The following VPS36 variants were observed in gnomAD, a reference collection of about 807,000 sequenced individuals.
VPS36 encodes vacuolar protein sorting 36 homolog, also known as vacuolar protein-sorting-associated protein 36.
A neutral mutation model predicts 63.5 loss-of-function variants in VPS36; 31 were observed. The ratio of observed to expected loss-of-function variants is 0.49; its 90% confidence interval spans 0.37 to 0.66. VPS36 has a LOEUF of 0.66. VPS36 is among the 30% of genes least tolerant of loss of function. The pLI is 0.00. For missense variants in VPS36, 338 were observed against 463.7 expected (o/e 0.73, Z 2.49); for synonymous variants, 138 against 157.2 (o/e 0.88, Z 0.91).
chr13:52,417,872 T>C, intron 11 of VPS36, 120 bp downstream of exon 11: 1 of 758,162 alleles, frequency 1.3e-6, no homozygotes. Flanking sequence ...TGAAATAATA[T>C]AATTTCAAGA....
chr13:52,448,927 G>C (rs1566092493), intron 1 of VPS36, among the ~76,000 whole-genome samples: 1 of 152,168 alleles, frequency 6.6e-6, no homozygotes, highest in Non-Finnish European at 1.5e-5. Flanking sequence ...AGGAAGGGGA[G>C]GTGGATTAAC....
chr13:52,441,738 C>T (rs543156942), intron 2 of VPS36, among the ~76,000 whole-genome samples: 61 of 151,560 alleles, frequency 4.0e-4, no homozygotes, highest in Non-Finnish European at 6.8e-4. Flanking sequence ...GGCGAAAGAG[C>T]GAGACTCCAT....
chr13:52,422,908 G>T (rs1205256962), intron 10 of VPS36, among the ~76,000 whole-genome samples: 1 of 152,146 alleles, frequency 6.6e-6, no homozygotes, highest in Non-Finnish European at 1.5e-5. Flanking sequence ...ATTTTCGAGG[G>T]ACCTGGTGGG....
chr13:52,416,223 A>G, intron 12 of VPS36, 130 bp from the exon 13 acceptor site: 5 of 888,530 alleles, frequency 5.6e-6, no homozygotes, highest in Non-Finnish European at 8.5e-6. Flanking sequence ...ATGTCCTACT[A>G]AAATCCAAAG....
intron 6 of VPS36, among the ~76,000 whole-genome samples, chr13:52,432,224 G>C (rs372976423): frequency 6.6e-6 from 1 of 152,020 alleles, no homozygotes; most frequent in Non-Finnish European, 1.5e-5. Flanking sequence ...GGTGGCGGGC[G>C]CCTATAGGCC....
Position 52,434,812 on chromosome 13 carries a change from T to G in VPS36, c.422A>C (p.Gln141Pro). Residue 141 changes from glutamine to proline, a missense_variant, in exon 5 of 14, where the codon CAA becomes CCA. By Grantham distance (76) the Gln-to-Pro change is moderately conservative (BLOSUM62 -1). Coordinates refer to ENST00000378060, the MANE Select transcript of VPS36 (RefSeq NM_016075.4). ...AAATACCTGGGGTCCTCTATTTGTT[T>G]GTAATGACTGGGAAACTGGCATATT... ...WENMPVSQSL[Q>P]TNRGPQPGRI... 1 of 1,613,992 alleles carries G rather than the reference T, an allele frequency of 6.2e-7. No homozygotes were observed. Among genetic ancestry groups the G allele is most frequent in the Non-Finnish European group, 8.5e-7 (1 of 1,179,962 alleles).
intron 1 of VPS36, among the ~76,000 whole-genome samples, chr13:52,445,272 A>G (rs923170208): frequency 5.3e-5 from 8 of 152,236 alleles, no homozygotes; most frequent in African/African-American, 1.9e-4. Context: ...TAAGTTTACA[A>G]TATTTTTTAA....
intron 1 of VPS36, among the ~76,000 whole-genome samples, chr13:52,447,024 C>T (rs186074961): frequency 8.6e-5 from 13 of 151,836 alleles, no homozygotes; most frequent in Middle Eastern, 3.4e-3. Flanking sequence ...TACAGGCACC[C>T]GCCACCACGC....
intron 6 of VPS36, among the ~76,000 whole-genome samples, chr13:52,428,239 C>T (rs1958123266): frequency 6.6e-6 from 1 of 152,070 alleles, no homozygotes; most frequent in Non-Finnish European, 1.5e-5. Context: ...TTTCAAGTTA[C>T]TGAAAATATA....
intron 9 of VPS36, 126 bp from the exon 10 acceptor site, chr13:52,423,765 CTTTA>C: frequency 1.3e-6 from 1 of 785,022 alleles, no homozygotes; most frequent in South Asian, 1.9e-5. Flanking sequence ...TTATAAAAAA[CTTTA>C]TTTATACAAA....
intron 12 of VPS36, among the ~76,000 whole-genome samples, chr13:52,416,488 G>C (rs980243071): frequency 2.0e-5 from 3 of 152,186 alleles, no homozygotes; most frequent in African/African-American, 7.2e-5. Context: ...AATATCTGTA[G>C]TCTTGGGGTT....
intron 1 of VPS36, chr13:52,449,972 C>A (rs1958384518): frequency 1.0e-6 from 1 of 985,720 alleles, no homozygotes; most frequent in African/African-American, 1.7e-5. Context: ...CACCCCTCTG[C>A]CCAGATATGC....
intron 2 of VPS36, 112 bp from the exon 3 acceptor site, chr13:52,439,280 A>G: frequency 1.3e-6 from 1 of 789,724 alleles, no homozygotes; most frequent in Non-Finnish European, 1.9e-6. Context: ...AATAAAAATA[A>G]TGAAAAACAA....
intron 9 of VPS36, 115 bp downstream of exon 9, chr13:52,425,817 C>T: frequency 1.9e-6 from 2 of 1,060,040 alleles, no homozygotes; most frequent in Non-Finnish European, 2.5e-6. Context: ...AAAAAAAAAA[C>T]ATGTCAGTTG....
chr13:52,423,751 A>C, intron 9 of VPS36, 112 bp from the exon 10 acceptor site: 3 of 953,690 alleles, frequency 3.1e-6, no homozygotes, highest in Non-Finnish European at 4.6e-6. Flanking sequence ...AATTTTTAAG[A>C]AGCTTATAAA....
chr13:52,438,993 C>G, intron 3 of VPS36, 105 bp downstream of exon 3: 1 of 975,668 alleles, frequency 1.0e-6, no homozygotes, highest in Non-Finnish European at 1.5e-6. Flanking sequence ...TTTATTCATG[C>G]TTTAAGAATG....
Position 52,433,732 on chromosome 13 carries a change from GC to G in VPS36, c.457del (p.Ala153LeufsTer2). 1 of 1,601,182 alleles carries G rather than the reference GC, an allele frequency of 6.2e-7. No homozygotes were observed. The highest frequency in any genetic ancestry group is 8.5e-7 in the Non-Finnish European group (1 of 1,176,316). On this transcript the variant is annotated frameshift_variant, in exon 6 of 14. Coordinates refer to ENST00000378060, the MANE Select transcript of VPS36 (RefSeq NM_016075.4). LOFTEE classifies it high-confidence loss of function. ...CCTTTCAATACCTACAATTCCTACA[GC>G]CCTTATTCTTCCTGGCTGAAAAAAA... ...NRGPQPGRIR[A>X]VGIVGIERKL...
At position 52,434,811 on chromosome 13, in the gene VPS36, T is replaced by C; in HGVS notation, c.423A>G (p.Gln141=). Residue 141 remains glutamine (Q), a synonymous_variant, in exon 5 of 14, where the codon CAA becomes CAG. Coordinates refer to ENST00000378060, the MANE Select transcript of VPS36 (RefSeq NM_016075.4). Reference sequence around the variant, plus strand: ...AAAATACCTGGGGTCCTCTATTTGTTTGTAATGACTGGGAAACTGGCATAT... The same window carrying C: ...AAAATACCTGGGGTCCTCTATTTGTCTGTAATGACTGGGAAACTGGCATAT... ...WENMPVSQSL[Q]TNRGPQPGRI... The C allele has an allele frequency of 1.2e-6, 2 of 1,613,978 alleles. No individual in the cohort carries two copies. The highest frequency in any genetic ancestry group is 1.7e-6 in the Non-Finnish European group (2 of 1,179,958).
intron 11 of VPS36, among the ~76,000 whole-genome samples, chr13:52,417,456 G>A (rs1332604940): frequency 6.6e-6 from 1 of 152,148 alleles, no homozygotes; most frequent in Non-Finnish European, 1.5e-5. Flanking sequence ...CGCCTCCCGG[G>A]TTCAAGCGAT....
Sources: gnomAD v4.1 joint callset for allele counts (sites outside exome capture counted in the v4.1 genomes callset) on GRCh38, gnomAD v4.1.1 for gene constraint, MANE v1.5 for transcripts, NCBI Gene and HGNC (gene_info 2026-07-23, HGNC 2026-07-21) for gene names.